TNFRSF9: variants seen among roughly 807,000 people sequenced by gnomAD.
TNFRSF9 encodes TNF receptor superfamily member 9, also known as tumor necrosis factor receptor superfamily member 9.
In TNFRSF9, 16 loss-of-function variants were observed where a neutral mutation model predicts 28.8. The observed-to-expected ratio is 0.55, with a 90% confidence interval of 0.38 to 0.84. TNFRSF9 has a LOEUF of 0.84. Among genes scored for constraint, TNFRSF9 ranks in the 40% least tolerant of loss-of-function variants. The pLI is 0.00. For synonymous variants in TNFRSF9, 131 were observed against 117.0 expected, an observed-to-expected ratio of 1.12 and a Z score of -0.77; for missense variants, 303 against 315.0, an observed-to-expected ratio of 0.96 and a Z score of 0.29.
At chr1:7,921,955 T>G (rs1330868620) in intron 7 of TNFRSF9, 1 of 152,152 alleles carries the variant, frequency 6.6e-6, no homozygotes, top group Non-Finnish European at 1.5e-5. Context: ...AGATTCGAGA[T>G]CCGATGGTTT....
At position 7,933,263 on chromosome 1, in the gene TNFRSF9, G is replaced by C; in HGVS notation, c.578C>G (p.Ala193Gly). Residue 193 changes from alanine to glycine, a missense_variant, in exon 7 of 8, where the codon GCG becomes GGG. Physicochemically the swap from Ala to Gly is moderately conservative, Grantham distance 60. Coordinates refer to ENST00000377507, the MANE Select transcript of TNFRSF9 (RefSeq NM_001561.6). ...HSPQIISFFLALTSTALLFLL... is the reference protein window; with the variant it reads ...HSPQIISFFLGLTSTALLFLL... Reference sequence around the variant, plus strand: ...GAAGAGCAACGCAGTCGACGTCAGCGCAAGAAAGAAGGAGATGATCTGCGG... The same window carrying C: ...GAAGAGCAACGCAGTCGACGTCAGCCCAAGAAAGAAGGAGATGATCTGCGG... 1.2e-6 allele frequency: 2 copies of C among 1,613,656 alleles called. 1 individual carries two copies. The highest frequency in any genetic ancestry group is 2.2e-5 in the South Asian group (2 of 91,014).
chr1:7,927,983 T>C (rs1027199813), intron 7 of TNFRSF9, among the ~76,000 whole-genome samples: 1 of 151,830 alleles, frequency 6.6e-6, no homozygotes, highest in Non-Finnish European at 1.5e-5. Context: ...AACAAACAAA[T>C]AATCCAACTA....
chr1:7,938,439 C>T lies in TNFRSF9; in HGVS notation c.209-109G>A, dbSNP rs990631646. On this transcript the variant is annotated intron_variant, in intron 3 of 7. Transcript: ENST00000377507. ...CATGCTCACTCTACTTATAGTGTTC[C>T]CAGTAATTTTAAAGTTTACTTTTAA... 17 of 1,216,662 alleles carry T rather than the reference C, an allele frequency of 1.4e-5. No homozygotes were observed. The East Asian group carries it at 1.6e-4, about 12-fold the overall frequency. 75.4% of individuals were successfully genotyped at this position (1,216,662 alleles called of 1,614,324 possible).
intron 7 of TNFRSF9, among the ~76,000 whole-genome samples, chr1:7,924,492 C>T (rs543680904): frequency 2.6e-5 from 4 of 151,538 alleles, no homozygotes; most frequent in East Asian, 3.9e-4. Context: ...CCAGGCATGG[C>T]GGCATGCACC....
At chr1:7,921,044 T>C in intron 7 of TNFRSF9, 121 bp from the exon 8 acceptor site, 2 of 748,402 alleles carry the variant, frequency 2.7e-6, no homozygotes, top group South Asian at 1.7e-5. Flanking sequence ...CCTTTAATTT[T>C]AACAAACTCA....
At chr1:7,940,517 T>G (rs1031465021) in intron 1 of TNFRSF9, among the ~76,000 whole-genome samples, 14 of 152,150 alleles carry the variant, frequency 9.2e-5, no homozygotes, top group Non-Finnish European at 1.6e-4. Flanking sequence ...GCTGAACACC[T>G]AACTACTAAC....
chr1:7,925,255 C>T (rs1639630914), intron 7 of TNFRSF9, among the ~76,000 whole-genome samples: 1 of 151,376 alleles, frequency 6.6e-6, no homozygotes, highest in Non-Finnish European at 1.5e-5. Context: ...CTGCAGTGAG[C>T]CAAGATCTCG....
intron 2 of TNFRSF9, among the ~76,000 whole-genome samples, chr1:7,939,596 A>AACTT: frequency 6.6e-6 from 1 of 152,094 alleles, no homozygotes; most frequent in East Asian, 1.9e-4. Flanking sequence ...ACACAAAACT[A>AACTT]ACATTTATTG....
intron 5 of TNFRSF9, 101 bp from the exon 6 acceptor site, chr1:7,935,244 A>G: frequency 7.4e-7 from 1 of 1,348,512 alleles, no homozygotes; most frequent in Non-Finnish European, 1.0e-6. Context: ...AGCCTAGTGA[A>G]AAAGATATAT....
rs9658031 is a variant in TNFRSF9, at chr1:7,925,729, G to A, written c.680-4806C>T. On this transcript the variant is annotated intron_variant, in intron 7 of 7. Transcript: ENST00000377507. ...ATCAGGTACTGGATTCTCATAAGGA[G>A]CGTGCAACCTCGATCCCTCGTATGC... Among the ~76,000 whole-genome samples the A allele has an allele frequency of 9.4e-4, 143 of 152,276 alleles. 2 individuals carry two copies. In the East Asian group the frequency reaches 0.019, roughly 21 times the overall value.
In TNFRSF9 at chr1:7,918,899, T is replaced by C. The variant is rs1287013469; in HGVS notation, c.*1936A>G. ...CAATGGGATACTTACATGACACTTATATGACTGACGGGAGTACATTAGAAC... is the reference window on the plus strand; with the variant it reads ...CAATGGGATACTTACATGACACTTACATGACTGACGGGAGTACATTAGAAC... On this transcript the variant is annotated 3_prime_UTR_variant, in exon 8 of 8. Coordinates refer to ENST00000377507, the MANE Select transcript of TNFRSF9 (RefSeq NM_001561.6). 4 of 152,184 alleles carry C rather than the reference T, an allele frequency of 2.6e-5. No homozygotes were observed. Among genetic ancestry groups the C allele is most frequent in the African/African-American group, 7.2e-5 (3 of 41,434 alleles). The allele number at this position is 152,184 out of a possible 1,614,324, so 9.4% of individuals were successfully genotyped here.
intron 2 of TNFRSF9, among the ~76,000 whole-genome samples, chr1:7,939,336 A>G (rs1427554033): frequency 7.0e-6 from 1 of 142,596 alleles, no homozygotes; most frequent in East Asian, 2.1e-4. Context: ...AAAAAAAAAA[A>G]CATACACACA....
rs1458120143 is a variant in TNFRSF9, at chr1:7,918,582, G to C, written c.*2253C>G. 1 of 152,078 alleles carries C rather than the reference G, an allele frequency of 6.6e-6. No homozygotes were observed. Among genetic ancestry groups the C allele is most frequent in the African/African-American group, 2.4e-5 (1 of 41,394 alleles). The allele number at this position is 152,078 out of a possible 1,614,324, so 9.4% of individuals were successfully genotyped here. On this transcript the variant is annotated 3_prime_UTR_variant, in exon 8 of 8. Coordinates refer to ENST00000377507, the MANE Select transcript of TNFRSF9 (RefSeq NM_001561.6). ...GGGTTTCGCCATGTTGCCAAGGCTG[G>C]TCTCGAACTCCTGGGCTCAAGCGAT... is the stretch of plus-strand genomic sequence containing the variant.
In TNFRSF9 at chr1:7,940,012, G is replaced by A; in HGVS notation, c.-18C>T. 2 of 1,547,084 alleles carry A rather than the reference G, an allele frequency of 1.3e-6. No individual in the cohort carries two copies. The highest frequency in any genetic ancestry group is 4.6e-5 in the East Asian group (2 of 43,808). On this transcript the variant is annotated 5_prime_UTR_variant, in exon 2 of 8. Transcript: ENST00000377507. Reference sequence around the variant, plus strand: ...TTTCCCATGATGAAATCTGGCACAGGTATGATACTAGCAAAGCTGATTCCA... The same window carrying A: ...TTTCCCATGATGAAATCTGGCACAGATATGATACTAGCAAAGCTGATTCCA...
Position 7,919,535 on chromosome 1 carries a change from C to T in TNFRSF9, c.*1300G>A, listed in dbSNP as rs1056220696. 1 of 152,124 alleles carries T rather than the reference C, an allele frequency of 6.6e-6. No homozygotes were observed. The highest frequency in any genetic ancestry group is 6.6e-5 in the Admixed American group (1 of 15,254). 9.4% of individuals were successfully genotyped at this position (152,124 alleles called of 1,614,324 possible). A position where few individuals can be genotyped will look rare whatever the true frequency, so the allele number is the denominator to read the frequency against. ...AAATGAATAAAATTTAAAAAGCTAT[C>T]CTTAGATCATAAGCCAAACAATGGC... On this transcript the variant is annotated 3_prime_UTR_variant, in exon 8 of 8. Transcript: ENST00000377507.
At chr1:7,929,079 T>C (rs161822) in intron 7 of TNFRSF9, among the ~76,000 whole-genome samples, 13,834 of 151,828 alleles carry the variant, frequency 0.091, 1,599 homozygotes, top group East Asian at 0.51. Flanking sequence ...CTTCTGCCGG[T>C]ATTGATCTTT....
At chr1:7,929,689 G>A (rs1286551913) in intron 7 of TNFRSF9, among the ~76,000 whole-genome samples, 1 of 152,140 alleles carries the variant, frequency 6.6e-6, no homozygotes, top group Non-Finnish European at 1.5e-5. Context: ...GGGGATGGTG[G>A]GGAGAGGTAG....
At chr1:7,939,178 G>A (rs1046785862) in intron 2 of TNFRSF9, among the ~76,000 whole-genome samples, 1 of 151,960 alleles carries the variant, frequency 6.6e-6, no homozygotes, top group East Asian at 1.9e-4. Flanking sequence ...AAATTAGCCA[G>A]GCGCAGTGGT....
intron 5 of TNFRSF9, 95 bp from the exon 6 acceptor site, chr1:7,935,238 T>A: frequency 7.1e-7 from 1 of 1,411,244 alleles, no homozygotes. Context: ...TGAAGTAGCC[T>A]AGTGAAAAAG....
Sources: allele counts gnomAD v4.1 joint callset (sites outside exome capture counted in the v4.1 genomes callset), GRCh38; gene constraint gnomAD v4.1.1; transcripts MANE v1.5; gene names NCBI Gene and HGNC (gene_info 2026-07-23, HGNC 2026-07-21).